Variants in FARSB observed in about 807,000 individuals in gnomAD.
The protein encoded by FARSB is phenylalanine--tRNA ligase beta subunit.
A neutral mutation model predicts 69.6 loss-of-function variants in FARSB; 40 were observed. That is an observed-to-expected ratio of 0.57 (90% CI 0.45 to 0.75). The LOEUF (loss-of-function observed/expected upper bound fraction) is 0.75. Ranked by LOEUF, FARSB falls within the 30% of genes least tolerant of loss-of-function variation. FARSB has a pLI of 0.00. For missense variants in FARSB, 632 were observed against 722.9 expected (o/e 0.87, Z 1.44); for synonymous variants, 235 against 247.2 (o/e 0.95, Z 0.46).
At chr2:222,606,891 G>A (rs1690716511) in intron 15 of FARSB, among the ~76,000 whole-genome samples, 1 of 152,180 alleles carries the variant, frequency 6.6e-6, no homozygotes, top group Non-Finnish European at 1.5e-5. Context: ...AAAGAAAGAT[G>A]CTAGGAGAAA....
At chr2:222,597,076 T>A (rs1488727213) in intron 16 of FARSB, among the ~76,000 whole-genome samples, 1 of 152,120 alleles carries the variant, frequency 6.6e-6, no homozygotes, top group African/African-American at 2.4e-5. Context: ...CAGAGCTAGA[T>A]GTGTGCCCAG....
intron 16 of FARSB, among the ~76,000 whole-genome samples, chr2:222,573,628 T>C (rs1445804053): frequency 6.6e-6 from 1 of 152,134 alleles, no homozygotes; most frequent in Non-Finnish European, 1.5e-5. Context: ...AGAAAAATCT[T>C]CAAATGACAT....
chr2:222,619,593 AT>A, intron 14 of FARSB, 51 bp downstream of exon 14: 2 of 866,624 alleles, frequency 2.3e-6, no homozygotes, highest in Non-Finnish European at 3.9e-6. Context: ...TTCCTAACTC[AT>A]GTACTACCTC....
rs1217079257 is a variant in FARSB, at chr2:222,650,678, G to A, written c.59-1883C>T. Among the ~76,000 whole-genome samples, 4 of 152,096 alleles carry A rather than the reference G, an allele frequency of 2.6e-5. No homozygotes were observed. In the East Asian group the frequency reaches 5.8e-4, roughly 22 times the overall value. ...CCTGTTCCATGATCCCTGCCTCCTT[G>A]TATTCATGCTCCTGTGTGAACTGAG... On this transcript the variant is annotated intron_variant, in intron 1 of 16. Coordinates refer to ENST00000281828, the MANE Select transcript of FARSB (RefSeq NM_005687.5).
At chr2:222,621,750 AC>A (rs1416315486) in intron 13 of FARSB, among the ~76,000 whole-genome samples, 1 of 152,228 alleles carries the variant, frequency 6.6e-6, no homozygotes, top group African/African-American at 2.4e-5. Context: ...AAAGTCAGAG[AC>A]TAGGCTTAAA....
At chr2:222,644,278 T>C (rs987008027) in intron 2 of FARSB, among the ~76,000 whole-genome samples, 1 of 152,262 alleles carries the variant, frequency 6.6e-6, no homozygotes, top group South Asian at 2.1e-4. Flanking sequence ...ATGCTGGGGC[T>C]GTACAAGGTG....
chr2:222,623,598 CAG>C, intron 13 of FARSB, 50 bp downstream of exon 13: 1 of 954,396 alleles, frequency 1.0e-6, no homozygotes, highest in Non-Finnish European at 1.7e-6. Flanking sequence ...ATAAATAATT[CAG>C]AGAGTCTAAG....
chr2:222,633,065 T>C (rs1691477211), intron 7 of FARSB, 134 bp downstream of exon 7: 2 of 624,912 alleles, frequency 3.2e-6, no homozygotes, highest in African/African-American at 3.8e-5. Flanking sequence ...ATGATTAGAA[T>C]CTACAAAAGA....
At position 222,571,556 on chromosome 2, in the gene FARSB, A is replaced by C. The variant is rs1689717268; in HGVS notation, c.*315T>G. 1 of 206,312 alleles carries C rather than the reference A, an allele frequency of 4.8e-6. No homozygotes were observed. Among genetic ancestry groups the C allele is most frequent in the Admixed American group, 5.8e-5 (1 of 17,136 alleles). The allele number at this position is 206,312 out of a possible 1,614,324, so 12.8% of individuals were successfully genotyped here. ...TGTTATGCAGGAGTAATCCGTTCCA[A>C]TGTGATGTTCTGATGTCTGAGGAGC... On this transcript the variant is annotated 3_prime_UTR_variant, in exon 17 of 17. Transcript: ENST00000281828.
intron 16 of FARSB, among the ~76,000 whole-genome samples, chr2:222,599,393 C>T (rs1031230283): frequency 2.0e-5 from 3 of 152,156 alleles, no homozygotes; most frequent in Non-Finnish European, 4.4e-5. Flanking sequence ...CTTAAACTCT[C>T]CAACAAAGAT....
At chr2:222,640,986 T>C in intron 3 of FARSB, 55 bp from the exon 4 acceptor site, 1 of 894,060 alleles carries the variant, frequency 1.1e-6, no homozygotes, top group South Asian at 1.6e-5. Context: ...TTATATAAAA[T>C]AATTACATTC....
intron 3 of FARSB, 146 bp downstream of exon 3, chr2:222,642,702 CTAA>C (rs1691752967): frequency 2.0e-6 from 1 of 499,944 alleles, no homozygotes. Flanking sequence ...CTGCATGAAT[CTAA>C]TTCCTCAAAT....
At chr2:222,576,131 A>C (rs1344136204) in intron 16 of FARSB, among the ~76,000 whole-genome samples, 1 of 152,128 alleles carries the variant, frequency 6.6e-6, no homozygotes. Context: ...AGAAGGTGTT[A>C]TCAAGCACCT....
chr2:222,632,840 C>A lies in FARSB; in HGVS notation c.715+359G>T, dbSNP rs567668768. Among the ~76,000 whole-genome samples, 815 of 123,810 alleles carry A rather than the reference C, an allele frequency of 6.6e-3. 1 individual carries two copies. The highest frequency in any genetic ancestry group is 9.6e-3 in the African/African-American group (321 of 33,392). The allele number at this position is 123,810 out of a possible 152,430, so 81.2% of individuals were successfully genotyped here. A position where few individuals can be genotyped will look rare whatever the true frequency, so the allele number is the denominator to read the frequency against. ...AAAACAAAACAAAAAACAACAACAA[C>A]AAAAAAAAAAAACAAAAGAAAAAAA... On this transcript the variant is annotated intron_variant, in intron 7 of 16. Coordinates refer to ENST00000281828, the MANE Select transcript of FARSB (RefSeq NM_005687.5).
intron 2 of FARSB, 66 bp downstream of exon 2, chr2:222,648,674 G>T: frequency 1.0e-6 from 1 of 974,588 alleles, no homozygotes. Context: ...ATGAAATACA[G>T]TATAACCCTG....
At chr2:222,644,984 CAAA>C (rs59437360) in intron 2 of FARSB, among the ~76,000 whole-genome samples, 1 of 136,772 alleles carries the variant, frequency 7.3e-6, no homozygotes. Flanking sequence ...AATTCCTTTG[CAAA>C]AAAAAAAAAA....
chr2:222,640,597 A>C (rs1441189828), intron 4 of FARSB, among the ~76,000 whole-genome samples: 1 of 152,100 alleles, frequency 6.6e-6, no homozygotes. Context: ...TTTCTAAAAA[A>C]TACAAAAAAC....
chr2:222,652,059 G>A (rs148971068), intron 1 of FARSB, among the ~76,000 whole-genome samples: 203 of 152,324 alleles, frequency 1.3e-3, no homozygotes, highest in African/African-American at 4.3e-3. Flanking sequence ...AGGGCTACAG[G>A]AGTTATCCTA....
At chr2:222,582,690 CGAG>C in intron 16 of FARSB, among the ~76,000 whole-genome samples, 1 of 152,046 alleles carries the variant, frequency 6.6e-6, no homozygotes, top group East Asian at 1.9e-4. Flanking sequence ...TTTGGGAGGC[CGAG>C]GAAGGCAGAT....
Sources: allele counts gnomAD v4.1 joint callset (sites outside exome capture counted in the v4.1 genomes callset), GRCh38; gene constraint gnomAD v4.1.1; transcripts MANE v1.5; gene names NCBI Gene and HGNC (gene_info 2026-07-23, HGNC 2026-07-21).